Variants in BIVM observed in about 807,000 individuals in gnomAD.
BIVM encodes basic immunoglobulin-like variable motif-containing protein.
A neutral mutation model predicts 61.4 loss-of-function variants in BIVM; 31 were observed. That is an observed-to-expected ratio of 0.51 (90% CI 0.38 to 0.68). The LOEUF is 0.68. BIVM is among the 30% of genes least tolerant of loss of function. BIVM has a pLI of 0.00. For synonymous variants in BIVM, 189 were observed against 210.7 expected, an observed-to-expected ratio of 0.90 and a Z score of 0.89; for missense variants, 526 against 596.0, an observed-to-expected ratio of 0.88 and a Z score of 1.22.
At chr13:102,812,096 C>T (rs1021264624) in intron 3 of BIVM, among the ~76,000 whole-genome samples, 2 of 151,956 alleles carry the variant, frequency 1.3e-5, no homozygotes, top group Non-Finnish European at 2.9e-5. Flanking sequence ...GTTCCTCATA[C>T]TCAATTATTT....
At chr13:102,800,655 G>A (rs76614039) in intron 1 of BIVM, 3,721 of 152,466 alleles carry the variant, frequency 0.024, 59 homozygotes, top group Non-Finnish European at 0.032. Flanking sequence ...CCCCAGGGGC[G>A]CGGGCTGGAG....
rs1481558623 is a variant in BIVM, at chr13:102,807,754, G to A, written c.478+9G>A. ...TTCGAAACACAAATCAGGTAAGGAG[G>A]GAGCCATGAAGTTCATATGTGAAAA... On this transcript the variant is annotated intron_variant, in intron 3 of 10. Transcript: ENST00000257336. The surrounding 1 kb of genome is among the most constrained non-coding windows in gnomAD (Gnocchi z 4.0). The A allele has an allele frequency of 1.3e-6, 2 of 1,595,944 alleles. No individual in the cohort carries two copies. The highest frequency in any genetic ancestry group is 8.5e-7 in the Non-Finnish European group (1 of 1,171,588).
rs112757787 is a variant in BIVM, at chr13:102,822,679, A to G, written c.901+520A>G. Among the ~76,000 whole-genome samples, 916 of 152,364 alleles carry G rather than the reference A, an allele frequency of 6.0e-3. 14 individuals are homozygous for G. Among genetic ancestry groups the G allele is most frequent in the African/African-American group, 0.021 (868 of 41,584 alleles). ...CAGAAATATTAATGGAGTTGATCTC[A>G]AGGATTATTTTAGTTATGTGCTAAT... On this transcript the variant is annotated intron_variant, in intron 7 of 10. Transcript: ENST00000257336.
chr13:102,829,562 G>A (rs1278401733), intron 7 of BIVM, among the ~76,000 whole-genome samples: 6 of 152,042 alleles, frequency 3.9e-5, no homozygotes, highest in African/African-American at 7.2e-5. Flanking sequence ...TTACTGGCTC[G>A]GCACAGTGGC....
chr13:102,806,201 G>T (rs1048256306), intron 2 of BIVM, among the ~76,000 whole-genome samples: 1 of 152,102 alleles, frequency 6.6e-6, no homozygotes, highest in African/African-American at 2.4e-5. Context: ...GTTTTGATTT[G>T]TATTTCCATG....
intron 7 of BIVM, among the ~76,000 whole-genome samples, chr13:102,826,444 T>C (rs998500961): frequency 6.6e-6 from 1 of 152,218 alleles, no homozygotes; most frequent in Non-Finnish European, 1.5e-5. Flanking sequence ...CCTTGAACAT[T>C]GCCTTTTACA....
rs1245793428 is a variant in BIVM at position 102,822,113 on chromosome 13, T to G, written c.855T>G (p.Tyr285Ter). ...NDHFHVKGCS[Y>*]VLYKPHGKNK... The stretch of plus-strand genomic sequence containing the variant: ...ACTTCCATGTAAAAGGATGCTCTTA[T>G]GTTCTATATAAGCCTCATGGGAAGA... Residue 285 changes from tyrosine to a stop codon, truncating the protein, a stop_gained, in exon 7 of 11, where the codon TAT becomes TAG. Transcript: ENST00000257336. LOFTEE classifies it high-confidence loss of function. 6.2e-7 allele frequency: 1 copy of G among 1,613,946 alleles called. No individual in the cohort carries two copies. The highest frequency in any genetic ancestry group is 8.5e-7 in the Non-Finnish European group (1 of 1,180,022).
At chr13:102,814,914 C>T (rs750444232) in intron 3 of BIVM, among the ~76,000 whole-genome samples, 5 of 152,032 alleles carry the variant, frequency 3.3e-5, no homozygotes, top group Non-Finnish European at 7.4e-5. Context: ...CATGGTCGCA[C>T]GCACTTGTGG....
In BIVM at chr13:102,838,500, T is replaced by C; in HGVS notation, c.1122-143T>C. The C allele has an allele frequency of 6.3e-6, 4 of 639,304 alleles. No homozygotes were observed. The South Asian group carries it at 1.1e-4, about 17-fold the overall frequency. 39.6% of individuals were successfully genotyped at this position (639,304 alleles called of 1,614,324 possible). ...AAAACTAGAAGTTATTACAGTTTAGTAGATGAAACAATGTTGAGATAAGAG... is the reference window on the plus strand; with the variant it reads ...AAAACTAGAAGTTATTACAGTTTAGCAGATGAAACAATGTTGAGATAAGAG... On this transcript the variant is annotated intron_variant, in intron 9 of 10. Transcript: ENST00000257336.
At chr13:102,804,183 G>C (rs770626647) in intron 1 of BIVM, among the ~76,000 whole-genome samples, 51 of 152,278 alleles carry the variant, frequency 3.3e-4, no homozygotes, top group Non-Finnish European at 6.5e-4. Context: ...ATGGAGTGCA[G>C]GTCACCCAGG....
chr13:102,814,987 T>A (rs897984361), intron 3 of BIVM, among the ~76,000 whole-genome samples: 4 of 152,094 alleles, frequency 2.6e-5, no homozygotes, highest in Admixed American at 2.6e-4. Flanking sequence ...GAGGTTGCAA[T>A]GAGTGGAGAT....
chr13:102,812,622 C>T (rs1879576445), intron 3 of BIVM, among the ~76,000 whole-genome samples: 1 of 152,140 alleles, frequency 6.6e-6, no homozygotes, highest in Non-Finnish European at 1.5e-5. Flanking sequence ...CTGCCTTTCT[C>T]TGAGTGTGTA....
chr13:102,820,794 G>T (rs1880218637), intron 4 of BIVM: 3 of 423,674 alleles, frequency 7.1e-6, no homozygotes, highest in Non-Finnish European at 8.3e-6. Flanking sequence ...TTTTCCCATT[G>T]GTTTGGATAA....
intron 2 of BIVM, among the ~76,000 whole-genome samples, chr13:102,806,087 T>C (rs1277002947): frequency 9.9e-5 from 15 of 152,244 alleles, no homozygotes; most frequent in Non-Finnish European, 1.5e-5. Flanking sequence ...TGGACCATTT[T>C]ACATTTCCAT....
chr13:102,809,947 G>A lies in BIVM; in HGVS notation c.478+2202G>A, dbSNP rs377600094. On this transcript the variant is annotated intron_variant, in intron 3 of 10. Coordinates refer to ENST00000257336, the MANE Select transcript of BIVM (RefSeq NM_017693.4). ...ACTACAGGCGCCTGTCACCGTGCCC[G>A]GCTACTTTTTTGTATTTTTAGTAGG... 5.6e-4 allele frequency among the ~76,000 whole-genome samples: 85 copies of A among 152,076 alleles called. 1 individual carries two copies. Among genetic ancestry groups the A allele is most frequent in the South Asian group, 2.5e-3 (12 of 4,818 alleles).
intron 9 of BIVM, among the ~76,000 whole-genome samples, chr13:102,835,742 A>G (rs1445227969): frequency 6.6e-6 from 1 of 152,220 alleles, no homozygotes; most frequent in African/African-American, 2.4e-5. Flanking sequence ...CATGTTGGCC[A>G]GGCTGGTCTC....
chr13:102,835,049 A>G (rs1050793158), intron 9 of BIVM, among the ~76,000 whole-genome samples: 1 of 152,148 alleles, frequency 6.6e-6, no homozygotes, highest in Admixed American at 6.6e-5. Flanking sequence ...CAAATTATAT[A>G]AAAATTTTAT....
Position 102,840,018 on chromosome 13 carries a change from G to A in BIVM, c.*153G>A. 1.3e-6 allele frequency: 1 copy of A among 757,844 alleles called. No individual in the cohort carries two copies. Among genetic ancestry groups the A allele is most frequent in the Non-Finnish European group, 2.1e-6 (1 of 484,320 alleles). The allele number at this position is 757,844 out of a possible 1,614,324, so 46.9% of individuals were successfully genotyped here. A position where few individuals can be genotyped will look rare whatever the true frequency, so the allele number is the denominator to read the frequency against. ...TTGTAGTTCTCCAGATACTAAGCTT[G>A]TATATGATTATGGTGGGTGATTTCA... is the stretch of plus-strand genomic sequence containing the variant. On this transcript the variant is annotated 3_prime_UTR_variant, in exon 11 of 11. Transcript: ENST00000257336.
At chr13:102,839,520 A>C (rs771079604) in intron 10 of BIVM, 52 bp from the exon 11 acceptor site, 1 of 1,593,032 alleles carries the variant, frequency 6.3e-7, no homozygotes. Flanking sequence ...CCTACAAATT[A>C]GTACAATTAA....
Sources: allele counts gnomAD v4.1 joint callset (sites outside exome capture counted in the v4.1 genomes callset), GRCh38; gene constraint gnomAD v4.1.1; non-coding constraint Gnocchi (gnomAD v3.1); transcripts MANE v1.5; gene names NCBI Gene and HGNC (gene_info 2026-07-23, HGNC 2026-07-21).